Variants in KIAA0586 observed in about 807,000 individuals in gnomAD.
KIAA0586 encodes KIAA0586.
Under a neutral mutation model 169.8 loss-of-function variants are expected in KIAA0586, and 144 were observed. The ratio of observed to expected loss-of-function variants is 0.85; its 90% CI spans 0.74 to 0.97. KIAA0586 has a LOEUF of 0.97. Among genes scored for constraint, KIAA0586 ranks in the 50% least tolerant of loss-of-function variants. The probability of loss-of-function intolerance (pLI) is 0.00; values close to 1 mark genes in which losing one functional copy is unlikely to be tolerated. For missense variants in KIAA0586, 1,854 were observed against 1,823.0 expected (o/e 1.02, Z -0.31); for synonymous variants, 625 against 612.4 (o/e 1.02, Z -0.30).
intron 4 of KIAA0586, among the ~76,000 whole-genome samples, chr14:58,437,433 C>A (rs2037920093): frequency 6.6e-6 from 1 of 151,914 alleles, no homozygotes; most frequent in Admixed American, 6.6e-5. Context: ...GGTCAAGTTG[C>A]CAGACAGTGG....
At position 58,467,935 on chromosome 14, in the gene KIAA0586, G is replaced by A; in HGVS notation, c.2442+13G>A. 1 of 1,549,094 alleles carries A rather than the reference G, an allele frequency of 6.5e-7. No individual in the cohort carries two copies. The stretch of plus-strand genomic sequence containing the variant: ...GCTTACTGTGCAGGTATGCCAGGGT[G>A]CATGAGTAGAAAATTTTAAGGAAGA... On this transcript the variant is annotated intron_variant, in intron 16 of 30. Coordinates refer to ENST00000652326, the MANE Select transcript of KIAA0586 (RefSeq NM_001329943.3).
rs1391493325 is a variant in KIAA0586, at chr14:58,549,044, T to C, written c.*1112T>C. 2.0e-5 allele frequency: 3 copies of C among 152,118 alleles called. No individual in the cohort carries two copies. Among genetic ancestry groups the C allele is most frequent in the African/African-American group, 4.8e-5 (2 of 41,398 alleles). 9.4% of individuals were successfully genotyped at this position (152,118 alleles called of 1,614,324 possible). On this transcript the variant is annotated 3_prime_UTR_variant, in exon 31 of 31. Transcript: ENST00000652326. The stretch of plus-strand genomic sequence containing the variant: ...TCAATAAATGGTGTTGTTCTTATTA[T>C]CTTGAGGGATTTCAGTACTGTATAG...
rs534263609 is a variant in KIAA0586 at position 58,438,439 on chromosome 14, A to G, written c.411-4267A>G. 1.2e-3 allele frequency among the ~76,000 whole-genome samples: 187 copies of G among 152,296 alleles called. 1 individual carries two copies. Among genetic ancestry groups the G allele is most frequent in the African/African-American group, 3.4e-3 (140 of 41,556 alleles). On this transcript the variant is annotated intron_variant, in intron 4 of 30. Transcript: ENST00000652326. The stretch of plus-strand genomic sequence containing the variant: ...CTCTACCCCTCAATTGGTTAAATAT[A>G]TATATTGAGCACTTACTACATACCT...
In KIAA0586 at chr14:58,432,385, C is replaced by A; in HGVS notation, c.341-3C>A. ...TATATATTTTTGTGTCTTGATTTTG[C>A]AGCAAATGACATCTTCATTTCTCAG... On this transcript the variant is annotated splice_region_variant and splice_polypyrimidine_tract_variant and intron_variant, in intron 3 of 30. Transcript: ENST00000652326. 1.3e-6 allele frequency: 2 copies of A among 1,518,450 alleles called. No individual in the cohort carries two copies. The highest frequency in any genetic ancestry group is 2.1e-5 in the Admixed American group (1 of 47,460). The allele number at this position is 1,518,450 out of a possible 1,614,324, so 94.1% of individuals were successfully genotyped here. A position where few individuals can be genotyped will look rare whatever the true frequency, so the allele number is the denominator to read the frequency against.
intron 17 of KIAA0586, 21 bp downstream of exon 17, chr14:58,470,744 A>T (rs1335776987): frequency 1.6e-6 from 2 of 1,259,968 alleles, no homozygotes; most frequent in Non-Finnish European, 1.2e-6. Flanking sequence ...GAATTTTATC[A>T]TATTATTTTG....
At chr14:58,498,728 T>G (rs2043339925) in intron 26 of KIAA0586, 55 bp from the exon 27 acceptor site, 2 of 1,475,236 alleles carry the variant, frequency 1.4e-6, no homozygotes, top group Admixed American at 4.6e-5. Flanking sequence ...AAAGATTTCC[T>G]GTTTTGACTT....
chr14:58,456,340 G>A (rs372882686), intron 9 of KIAA0586, among the ~76,000 whole-genome samples: 1 of 152,150 alleles, frequency 6.6e-6, no homozygotes, highest in African/African-American at 2.4e-5. Flanking sequence ...ACTTGATTTT[G>A]ATGATTTTTG....
chr14:58,554,121 G>A (rs1003653009), downstream of KIAA0586, among the ~76,000 whole-genome samples: 13 of 152,290 alleles, frequency 8.5e-5, no homozygotes, highest in Admixed American at 2.0e-4. Context: ...GAGTGCCTAT[G>A]AGCAGTAAGA....
chr14:58,551,782 T>A (rs1800334442), downstream of KIAA0586, among the ~76,000 whole-genome samples: 1 of 152,066 alleles, frequency 6.6e-6, no homozygotes, highest in Non-Finnish European at 1.5e-5. Context: ...AAAATTATTA[T>A]TATATAATTG....
intron 9 of KIAA0586, among the ~76,000 whole-genome samples, chr14:58,455,806 C>T (rs1279940625): frequency 6.6e-6 from 1 of 152,012 alleles, no homozygotes; most frequent in Non-Finnish European, 1.5e-5. Flanking sequence ...GCCTCAAGGT[C>T]GGAAGTGAGT....
At chr14:58,534,099 A>G (rs925921422) in intron 29 of KIAA0586, among the ~76,000 whole-genome samples, 2 of 152,318 alleles carry the variant, frequency 1.3e-5, no homozygotes, top group Middle Eastern at 3.4e-3. Context: ...ATTTTTAGTG[A>G]TAACCACAAG....
rs1212454815 is a variant in KIAA0586, at chr14:58,456,759, T to C, written c.1311T>C (p.Asp437=). 1.9e-6 allele frequency: 3 copies of C among 1,605,818 alleles called. No individual in the cohort carries two copies. The highest frequency in any genetic ancestry group is 2.6e-6 in the Non-Finnish European group (3 of 1,175,862). The change falls in exon 10 of 31, where the codon GAT becomes GAC. Residue 437 remains aspartate (D), a synonymous_variant. Transcript: ENST00000652326. The part of the protein sequence containing the change: ...TTKVTMQKSD[D]VLHDLGQKEK... ...AAGTGACTATGCAGAAGTCTGATGA[T>C]GTTCTTCATGACCTTGGCCAAAAAG...
chr14:58,445,761 A>T (rs1250447807), intron 6 of KIAA0586, among the ~76,000 whole-genome samples: 4 of 139,926 alleles, frequency 2.9e-5, no homozygotes. Context: ...CTCCTAGAAC[A>T]CGACTTAGCA....
Position 58,520,885 on chromosome 14 carries a change from G to A in KIAA0586, c.4429+8258G>A, listed in dbSNP as rs113085043. On this transcript the variant is annotated intron_variant, in intron 29 of 30. Transcript: ENST00000652326. ...AGGTATCATTACTTTATTTTTTTTT[G>A]TAGATGAATAATATTCCATTGTGCA... is the stretch of plus-strand genomic sequence containing the variant. 483 of 160,454 alleles carry A rather than the reference G, an allele frequency of 3.0e-3. 3 individuals carry two copies. The highest frequency in any genetic ancestry group is 0.011 in the African/African-American group (460 of 41,382). 9.9% of individuals were successfully genotyped at this position (160,454 alleles called of 1,614,324 possible).
chr14:58,530,946 A>G lies in KIAA0586; in HGVS notation c.4430-9125A>G, dbSNP rs569006271. ...AAAATTTTTGCAATCTATCCATCTG[A>G]CAAAGGGCTAATATCTAGAATCTGT... On this transcript the variant is annotated intron_variant, in intron 29 of 30. Transcript: ENST00000652326. Among the ~76,000 whole-genome samples, 123 of 152,290 alleles carry G rather than the reference A, an allele frequency of 8.1e-4. 1 individual carries two copies. Among genetic ancestry groups the G allele is most frequent in the Admixed American group, 5.8e-3 (88 of 15,302 alleles).
chr14:58,547,499 C>G (rs1425062445), intron 30 of KIAA0586, among the ~76,000 whole-genome samples: 1 of 152,056 alleles, frequency 6.6e-6, no homozygotes, highest in Admixed American at 6.6e-5. Flanking sequence ...GCCCTTAACC[C>G]GTTACATTTG....
intron 21 of KIAA0586, among the ~76,000 whole-genome samples, chr14:58,484,894 A>ATATATATTTATATATATATTTT (rs1555391486): frequency 1.0e-3 from 6 of 5,834 alleles, no homozygotes; most frequent in African/African-American, 2.5e-3. Flanking sequence ...ATATATTTAT[A>ATATATATTTATATATATATTTT]TATATATATA....
rs548318176 is a variant in KIAA0586, at chr14:58,453,453, G to T, written c.1233G>T (p.Trp411Cys). The stretch of plus-strand genomic sequence containing the variant: ...CACTAACTAGGTCAAAAATAGGATG[G>T]ACTCCTGAGAAAACAAACAGGTAAA... ...TTSLTRSKIG[W>C]TPEKTNRFPS... The change falls in exon 9 of 31, where the codon TGG becomes TGT. Residue 411 changes from tryptophan (W) to cysteine (C), a missense_variant. Trp to Cys is a radical substitution (Grantham distance 215). Coordinates refer to ENST00000652326, the MANE Select transcript of KIAA0586 (RefSeq NM_001329943.3). 3.3e-6 allele frequency: 5 copies of T among 1,513,710 alleles called. 1 individual carries two copies. The South Asian group carries it at 6.8e-5, about 21-fold the overall frequency. The allele number at this position is 1,513,710 out of a possible 1,614,324, so 93.8% of individuals were successfully genotyped here.
chr14:58,523,944 A>T (rs1240495161), intron 29 of KIAA0586, among the ~76,000 whole-genome samples: 1 of 152,094 alleles, frequency 6.6e-6, no homozygotes, highest in Non-Finnish European at 1.5e-5. Context: ...CTTCTAATCA[A>T]CCTAGTAACG....
Sources: allele counts gnomAD v4.1 joint callset (sites outside exome capture counted in the v4.1 genomes callset), GRCh38; gene constraint gnomAD v4.1.1; transcripts MANE v1.5; gene names NCBI Gene and HGNC (gene_info 2026-07-23, HGNC 2026-07-21).